Variants in WDR64 observed in about 807,000 individuals in gnomAD.
WDR64 encodes the protein WD repeat domain 64.
Under a neutral mutation model 139.3 loss-of-function variants are expected in WDR64, and 112 were observed. The ratio of observed to expected loss-of-function variants is 0.80; its 90% CI spans 0.69 to 0.94. WDR64 has a LOEUF of 0.94. WDR64 is among the 40% of genes least tolerant of loss of function. The pLI is 0.00. For synonymous variants in WDR64, 444 were observed against 437.7 expected, an observed-to-expected ratio of 1.01 and a Z score of -0.18; for missense variants, 1,206 against 1,293.1, an observed-to-expected ratio of 0.93 and a Z score of 1.03.
chr1:241,762,346 A>G (rs948707925), intron 15 of WDR64, among the ~76,000 whole-genome samples: 1 of 152,076 alleles, frequency 6.6e-6, no homozygotes, highest in Non-Finnish European at 1.5e-5. Context: ...TGTTGAATTC[A>G]ACAACTTAAT....
chr1:241,790,956 A>G (rs1379234809), intron 25 of WDR64, among the ~76,000 whole-genome samples: 1 of 152,114 alleles, frequency 6.6e-6, no homozygotes, highest in East Asian at 1.9e-4. Flanking sequence ...AGAAGACCGT[A>G]TTCCTTAGCT....
chr1:241,741,099 T>C (rs1161189429), intron 11 of WDR64, among the ~76,000 whole-genome samples: 1 of 152,182 alleles, frequency 6.6e-6, no homozygotes, highest in Non-Finnish European at 1.5e-5. Flanking sequence ...TCTCTAACAA[T>C]AAATTTCCAC....
In WDR64 at chr1:241,759,146, CATTAT is replaced by C. The variant is rs1426295097; in HGVS notation, c.1947+1691_1947+1695del. On this transcript the variant is annotated intron_variant, in intron 15 of 27. Transcript: ENST00000437684. ...TTTTATGTGCTATCATTGTACATTA[CATTAT>C]ATTCTAGTTTCAGAAAACAATAAAA... Among the ~76,000 whole-genome samples the C allele has an allele frequency of 2.6e-5, 4 of 151,788 alleles. 1 individual carries two copies. The highest frequency in any genetic ancestry group is 9.7e-5 in the African/African-American group (4 of 41,144).
chr1:241,704,955 T>C (rs943288305), intron 8 of WDR64, among the ~76,000 whole-genome samples: 1 of 152,148 alleles, frequency 6.6e-6, no homozygotes, highest in Non-Finnish European at 1.5e-5. Flanking sequence ...AAAGAGGGAT[T>C]AAGGTACCTG....
At chr1:241,675,253 T>TCCC (rs1366436958) in intron 4 of WDR64, among the ~76,000 whole-genome samples, 1 of 97,398 alleles carries the variant, frequency 1.0e-5, no homozygotes, top group African/African-American at 4.1e-5. Flanking sequence ...CCCTCCTTCC[T>TCCC]TCCTCCCTCC....
At position 241,746,156 on chromosome 1, in the gene WDR64, G is replaced by C. The variant is rs2148254361; in HGVS notation, c.1594+1640G>C. Among the ~76,000 whole-genome samples, 2 of 152,232 alleles carry C rather than the reference G, an allele frequency of 1.3e-5. 1 individual carries two copies. Among genetic ancestry groups the C allele is most frequent in the South Asian group, 4.2e-4 (2 of 4,814 alleles). Reference sequence around the variant, plus strand: ...TAATGATGTTCCAACAAATACTGGGGGTGTGAGTGTTGCTGATGGGGAGAA... The same window carrying C: ...TAATGATGTTCCAACAAATACTGGGCGTGTGAGTGTTGCTGATGGGGAGAA... On this transcript the variant is annotated intron_variant, in intron 13 of 27. Coordinates refer to ENST00000437684, the MANE Select transcript of WDR64 (RefSeq NM_001367482.1).
chr1:241,772,764 C>A (rs1658510007), intron 19 of WDR64, 28 bp from the exon 20 acceptor site: 2 of 1,550,228 alleles, frequency 1.3e-6, no homozygotes, highest in African/African-American at 2.7e-5. Flanking sequence ...CGCCTGGCCT[C>A]ATGATAGTTC....
At chr1:241,718,843 A>G (rs1247493419) in intron 9 of WDR64, among the ~76,000 whole-genome samples, 1 of 151,920 alleles carries the variant, frequency 6.6e-6, no homozygotes, top group Non-Finnish European at 1.5e-5. Context: ...GAGAGAGGGG[A>G]GAGAGGGTGG....
At chr1:241,793,931 C>G (rs1659280061) in intron 25 of WDR64, among the ~76,000 whole-genome samples, 1 of 152,180 alleles carries the variant, frequency 6.6e-6, no homozygotes, top group Non-Finnish European at 1.5e-5. Flanking sequence ...CCTATAATCT[C>G]AACACTTTGG....
intron 2 of WDR64, among the ~76,000 whole-genome samples, chr1:241,661,401 C>T (rs1357466004): frequency 6.6e-6 from 1 of 151,718 alleles, no homozygotes; most frequent in Admixed American, 6.6e-5. Flanking sequence ...ATAGCCAAAT[C>T]CCCCACATCA....
At chr1:241,745,351 T>G (rs555647550) in intron 13 of WDR64, among the ~76,000 whole-genome samples, 1 of 128,376 alleles carries the variant, frequency 7.8e-6, no homozygotes, top group Non-Finnish European at 1.8e-5. Context: ...TAAATGCAAC[T>G]GCCCTTCACG....
intron 26 of WDR64, 106 bp downstream of exon 26, chr1:241,795,393 C>A: frequency 4.0e-6 from 4 of 995,736 alleles, no homozygotes; most frequent in Non-Finnish European, 4.5e-6. Flanking sequence ...ATCATACAGT[C>A]AGTTGGACCG....
chr1:241,762,820 G>C (rs1657981861), intron 15 of WDR64, among the ~76,000 whole-genome samples: 1 of 150,982 alleles, frequency 6.6e-6, no homozygotes, highest in Non-Finnish European at 1.5e-5. Flanking sequence ...TATGGAATTT[G>C]GAAACAATTA....
chr1:241,732,818 CA>C (rs938396771), intron 10 of WDR64, among the ~76,000 whole-genome samples: 11 of 145,448 alleles, frequency 7.6e-5, no homozygotes, highest in East Asian at 2.0e-4. Context: ...GAAACTCTGT[CA>C]AAAAAAAAAC....
intron 15 of WDR64, among the ~76,000 whole-genome samples, chr1:241,760,260 G>C (rs1293818672): frequency 6.6e-6 from 1 of 151,946 alleles, no homozygotes; most frequent in Non-Finnish European, 1.5e-5. Context: ...TATTCAACTA[G>C]TCCCCTGTAG....
chr1:241,678,627 T>C (rs370924151), intron 5 of WDR64, among the ~76,000 whole-genome samples: 1 of 152,216 alleles, frequency 6.6e-6, no homozygotes, highest in African/African-American at 2.4e-5. Flanking sequence ...GAGTACAATT[T>C]TGTGATTTAT....
At chr1:241,735,487 A>G (rs980309218) in intron 10 of WDR64, among the ~76,000 whole-genome samples, 2 of 147,274 alleles carry the variant, frequency 1.4e-5, no homozygotes, top group Non-Finnish European at 3.0e-5. Flanking sequence ...TCTAAAAAGT[A>G]TAGTCTCCTT....
chr1:241,781,672 T>C (rs751429241), intron 22 of WDR64, among the ~76,000 whole-genome samples: 4 of 152,228 alleles, frequency 2.6e-5, no homozygotes, highest in Non-Finnish European at 5.9e-5. Flanking sequence ...AAGGACAATC[T>C]TAGTTTCTAA....
chr1:241,652,835 GTTTTT>G (rs199607001), intron 1 of WDR64, among the ~76,000 whole-genome samples: 14 of 152,116 alleles, frequency 9.2e-5, no homozygotes, highest in South Asian at 4.2e-4. Flanking sequence ...TTTTGTTTTT[GTTTTT>G]TTTTTTTACT....
Sources: gnomAD v4.1 joint callset for allele counts (sites outside exome capture counted in the v4.1 genomes callset) on GRCh38, gnomAD v4.1.1 for gene constraint, MANE v1.5 for transcripts, NCBI Gene and HGNC (gene_info 2026-07-23, HGNC 2026-07-21) for gene names.